The following RBFOX3 variants were observed in gnomAD, a reference collection of about 807,000 sequenced individuals.
RBFOX3 encodes RNA binding protein fox-1 homolog 3.
RBFOX3 carries 17 observed loss-of-function variants against 48.7 expected under a neutral mutation model. The observed-to-expected ratio is 0.35, with a 90% CI of 0.24 to 0.52. The LOEUF is 0.52. Among genes scored for constraint, RBFOX3 ranks in the 20% least tolerant of loss-of-function variants. The pLI is 0.94. For synonymous variants in RBFOX3, 212 were observed against 209.5 expected (o/e 1.01, Z -0.10); for missense variants, 382 against 497.5 (o/e 0.77, Z 2.21).
chr17:79,621,227 G>T, the RBFOX3 span, among the ~76,000 whole-genome samples: 842 of 152,116 alleles, frequency 5.5e-3, 17 homozygotes, highest in East Asian at 0.057. Flanking sequence ...TCGAACTCCT[G>T]ACCTCAGGTG....
chr17:79,508,340 C>T (rs1297893914), intron 1 of RBFOX3, among the ~76,000 whole-genome samples: 2 of 152,176 alleles, frequency 1.3e-5, no homozygotes, highest in African/African-American at 4.8e-5. Context: ...CCACATTGCT[C>T]CCTGGAGGTT....
At chr17:79,491,720 T>C (rs2080693598) in intron 1 of RBFOX3, among the ~76,000 whole-genome samples, 1 of 152,150 alleles carries the variant, frequency 6.6e-6, no homozygotes, top group Non-Finnish European at 1.5e-5. Flanking sequence ...AGCTTGGTGA[T>C]GGTGTCATTT....
At chr17:79,112,913 G>T (rs1375420725) in intron 5 of RBFOX3, among the ~76,000 whole-genome samples, 1 of 126,480 alleles carries the variant, frequency 7.9e-6, no homozygotes, top group African/African-American at 2.9e-5. Flanking sequence ...TCGGGGGGGG[G>T]GTGGGCTGGG....
In RBFOX3 at chr17:79,392,939, C is replaced by T. The variant is rs12946368; in HGVS notation, c.-174-85115G>A. Among the ~76,000 whole-genome samples, 2 of 152,162 alleles carry T rather than the reference C, an allele frequency of 1.3e-5. No homozygotes were observed. Among genetic ancestry groups the T allele is most frequent in the East Asian group, 1.9e-4 (1 of 5,198 alleles). ...CTAAATAGGAATATTTATCAGTTAA[C>T]GAACACACATTTCCTTTCCCCAAAC... On this transcript the variant is annotated intron_variant, in intron 2 of 14. Transcript: ENST00000693108. This position sits in a 1 kb window ranked among gnomAD's most constrained non-coding sequence, Gnocchi z 5.0.
At chr17:79,458,448 TCTGTGTGTGCATGC>T (rs1444101092) in intron 2 of RBFOX3, among the ~76,000 whole-genome samples, 2 of 149,800 alleles carry the variant, frequency 1.3e-5, no homozygotes, top group Non-Finnish European at 3.0e-5. Context: ...CGTGTGTGCA[TCTGTGTGTGCATGC>T]CTGTGTGTGC....
chr17:79,110,598 G>T (rs2707031), intron 5 of RBFOX3, among the ~76,000 whole-genome samples: 1 of 152,094 alleles, frequency 6.6e-6, no homozygotes, highest in East Asian at 1.9e-4. Context: ...ACTCAGGCAA[G>T]GACCTGCCTT....
intron 2 of RBFOX3, among the ~76,000 whole-genome samples, chr17:79,461,835 T>G (rs1038537888): frequency 2.6e-5 from 4 of 151,926 alleles, no homozygotes; most frequent in Non-Finnish European, 4.4e-5. Flanking sequence ...GACACAGAGG[T>G]AGAGGCTGGA....
chr17:79,289,105 C>A (rs2072682045), intron 3 of RBFOX3, among the ~76,000 whole-genome samples: 1 of 152,190 alleles, frequency 6.6e-6, no homozygotes, highest in Admixed American at 6.5e-5. Flanking sequence ...CATCTCTAAC[C>A]TTCTGCTGCT....
intron 3 of RBFOX3, among the ~76,000 whole-genome samples, chr17:79,278,866 C>G (rs2144246811): frequency 6.6e-6 from 1 of 152,334 alleles, no homozygotes; most frequent in Non-Finnish European, 1.5e-5. Context: ...TGAGGAAATG[C>G]AAGCCGTGGG....
chr17:79,220,617 C>T lies in RBFOX3; in HGVS notation c.-34+15149G>A, dbSNP rs913797311. On this transcript the variant is annotated intron_variant, in intron 4 of 14. Coordinates refer to ENST00000693108, the MANE Select transcript of RBFOX3 (RefSeq NM_001350451.2). The surrounding 1 kb of genome is among the most constrained non-coding windows in gnomAD (Gnocchi z 5.9). ...GGGGAGGGTGTGTGTGTGTGTGTGT[C>T]GGGGGGACACAAAACCTTCCAGCCT... Among the ~76,000 whole-genome samples the T allele has an allele frequency of 2.0e-5, 3 of 146,478 alleles. No individual in the cohort carries two copies. Among genetic ancestry groups the T allele is most frequent in the African/African-American group, 7.9e-5 (3 of 38,062 alleles).
intron 3 of RBFOX3, among the ~76,000 whole-genome samples, chr17:79,259,885 C>G (rs898526): frequency 0.6 from 91,872 of 151,948 alleles, 27,891 homozygotes; most frequent in East Asian, 0.69. Context: ...CATTATCCCT[C>G]TTTTGCAGAT....
At chr17:79,544,114 C>CTATGAGTG (rs2090082046) in intron 1 of RBFOX3, among the ~76,000 whole-genome samples, 1 of 152,198 alleles carries the variant, frequency 6.6e-6, no homozygotes, top group African/African-American at 2.4e-5. Context: ...CTCACAGTGA[C>CTATGAGTG]CCTATGAGTC....
intron 1 of RBFOX3, among the ~76,000 whole-genome samples, chr17:79,566,091 T>C: frequency 1.3e-5 from 2 of 152,316 alleles, no homozygotes; most frequent in South Asian, 4.1e-4. Context: ...ATTTAATAAC[T>C]CTGCCACCTG....
At chr17:79,560,537 GC>G (rs1274901370) in intron 1 of RBFOX3, among the ~76,000 whole-genome samples, 2 of 152,098 alleles carry the variant, frequency 1.3e-5, no homozygotes, top group Non-Finnish European at 2.9e-5. Flanking sequence ...AGCAGCTACT[GC>G]CCACCCGACC....
intron 3 of RBFOX3, among the ~76,000 whole-genome samples, chr17:79,266,303 G>A (rs759441713): frequency 2.0e-5 from 3 of 152,204 alleles, no homozygotes; most frequent in Non-Finnish European, 4.4e-5. Context: ...GAAGGGAAGT[G>A]TCCTCATCCT....
chr17:79,111,048 CT>C lies in RBFOX3; in HGVS notation c.223-4261del, dbSNP rs1179941952. On this transcript the variant is annotated intron_variant, in intron 5 of 14. Coordinates refer to ENST00000693108, the MANE Select transcript of RBFOX3 (RefSeq NM_001350451.2). This position sits in a 1 kb window ranked among gnomAD's most constrained non-coding sequence, Gnocchi z 4.2. Reference sequence around the variant, plus strand: ...GAGGGCCTTGGCCAGACTGTGAAGCCTGTAGTTATAGATGAGGTGGTCCAAA... The same window carrying C: ...GAGGGCCTTGGCCAGACTGTGAAGCCGTAGTTATAGATGAGGTGGTCCAAA... Among the ~76,000 whole-genome samples the C allele has an allele frequency of 2.6e-5, 4 of 152,234 alleles. No individual in the cohort carries two copies. The highest frequency in any genetic ancestry group is 9.6e-5 in the African/African-American group (4 of 41,476).
chr17:79,222,925 T>C (rs1351019731), intron 4 of RBFOX3, among the ~76,000 whole-genome samples: 1 of 152,190 alleles, frequency 6.6e-6, no homozygotes, highest in African/African-American at 2.4e-5. Context: ...CCGGGCTCCA[T>C]TCTGGAGGGT....
At chr17:79,223,230 A>G (rs1479340416) in intron 4 of RBFOX3, among the ~76,000 whole-genome samples, 2 of 152,116 alleles carry the variant, frequency 1.3e-5, no homozygotes, top group Non-Finnish European at 2.9e-5. Flanking sequence ...GTGTATCTGT[A>G]CACACACACG....
At chr17:79,202,963 C>T (rs1017866143) in intron 4 of RBFOX3, among the ~76,000 whole-genome samples, 3 of 152,160 alleles carry the variant, frequency 2.0e-5, no homozygotes, top group African/African-American at 4.8e-5. Context: ...AGCTCAGTAA[C>T]GCACCCTTGG....
Sources: allele counts gnomAD v4.1 joint callset (sites outside exome capture counted in the v4.1 genomes callset), GRCh38; gene constraint gnomAD v4.1.1; non-coding constraint Gnocchi (gnomAD v3.1); transcripts MANE v1.5; gene names NCBI Gene and HGNC (gene_info 2026-07-23, HGNC 2026-07-21).